The following ERVH48-1 variants were observed in gnomAD, a reference collection of about 807,000 sequenced individuals.
ERVH48-1 encodes endogenous retrovirus group 48 member 1, envelope, also known as suppressyn.
Under a neutral mutation model 2.4 loss-of-function variants are expected in ERVH48-1, and 4 were observed. That is an observed-to-expected ratio of 1.68 (90% CI 0.83 to 3.84). The LOEUF is 3.84. ERVH48-1 is among the 30% of genes most tolerant of loss of function. The probability of loss-of-function intolerance (pLI) is 0.01; values close to 1 mark genes in which losing one functional copy is unlikely to be tolerated. For synonymous variants in ERVH48-1, 32 were observed against 15.5 expected, an observed-to-expected ratio of 2.06 and a Z score of -2.49; for missense variants, 97 against 43.4, an observed-to-expected ratio of 2.23 and a Z score of -3.47.
chr21:42,918,986 G>A lies in ERVH48-1; in HGVS notation c.21C>T (p.Thr7=), dbSNP rs1217706292. The A allele has an allele frequency of 9.6e-7, 1 of 1,038,836 alleles. No individual in the cohort carries two copies. Among genetic ancestry groups the A allele is most frequent in the Non-Finnish European group, 1.3e-6 (1 of 760,878 alleles). The allele number at this position is 1,038,836 out of a possible 1,614,324, so 64.4% of individuals were successfully genotyped here. The change falls in exon 2 of 2, where the codon ACC becomes ACT. Residue 7 remains threonine (T), a synonymous_variant. Coordinates refer to ENST00000447535, the MANE Select transcript of ERVH48-1 (RefSeq NM_001308491.2). ...TGGTTGGAAGAGAGGTATAGAAAGTGGTTGGGTAGATACAGGCCATTCCTG... is the reference window on the plus strand; with the variant it reads ...TGGTTGGAAGAGAGGTATAGAAAGTAGTTGGGTAGATACAGGCCATTCCTG... MACIYP[T]TFYTSLPTKS...
In ERVH48-1 at chr21:42,919,213, A is replaced by G; in HGVS notation, c.-207T>C. On this transcript the variant is annotated 5_prime_UTR_variant, in exon 2 of 2. Transcript: ENST00000447535. ...GACTCTCACTGCAGTTGGTGTGCTGAGTATCACAGTGTAGGGGCCTGTCCA... is the reference window on the plus strand; with the variant it reads ...GACTCTCACTGCAGTTGGTGTGCTGGGTATCACAGTGTAGGGGCCTGTCCA... 1 of 445,306 alleles carries G rather than the reference A, an allele frequency of 2.2e-6. No homozygotes were observed. Among genetic ancestry groups the G allele is most frequent in the Non-Finnish European group, 3.7e-6 (1 of 266,790 alleles). The allele number at this position is 445,306 out of a possible 1,614,324, so 27.6% of individuals were successfully genotyped here. A position where few individuals can be genotyped will look rare whatever the true frequency, so the allele number is the denominator to read the frequency against.
chr21:42,923,073 G>A (rs975267843), intron 1 of ERVH48-1, among the ~76,000 whole-genome samples: 4 of 152,236 alleles, frequency 2.6e-5, no homozygotes, highest in African/African-American at 7.2e-5. Flanking sequence ...GGCTCAGGAA[G>A]GGATGGAGGC....
rs576029260 is a variant in ERVH48-1, at chr21:42,925,486, G to T, written c.-426C>A. The T allele has an allele frequency of 1.1e-4, 41 of 361,148 alleles. No homozygotes were observed. Among genetic ancestry groups the T allele is most frequent in the Non-Finnish European group, 1.6e-4 (31 of 194,730 alleles). 22.4% of individuals were successfully genotyped at this position (361,148 alleles called of 1,614,324 possible). Reference sequence around the variant, plus strand: ...CTGGGGACGTGGACGGAAGCCCCTCGCAGGTTTCAGGGCCAGCCCCAAGGC... The same window carrying T: ...CTGGGGACGTGGACGGAAGCCCCTCTCAGGTTTCAGGGCCAGCCCCAAGGC... On this transcript the variant is annotated 5_prime_UTR_variant, in exon 1 of 2. Transcript: ENST00000447535.
In ERVH48-1 at chr21:42,918,720, C is replaced by G. The variant is rs745548332; in HGVS notation, c.287G>C (p.Gly96Ala). 3 of 456,728 alleles carry G rather than the reference C, an allele frequency of 6.6e-6. No homozygotes were observed. The highest frequency in any genetic ancestry group is 4.6e-5 in the South Asian group (3 of 64,566). 28.3% of individuals were successfully genotyped at this position (456,728 alleles called of 1,614,324 possible). A position where few individuals can be genotyped will look rare whatever the true frequency, so the allele number is the denominator to read the frequency against. Residue 96 changes from glycine (G) to alanine (A), a missense_variant, in exon 2 of 2, where the codon GGC becomes GCC. Gly to Ala is a moderately conservative substitution (Grantham distance 60). Coordinates refer to ENST00000447535, the MANE Select transcript of ERVH48-1 (RefSeq NM_001308491.2). The part of the protein sequence containing the change: ...YYKVKNLGVC[G>A]SRNGAICPRG... ...GGGGCAAATAGCCCCATTACGACTG[C>G]CACATACTCCTAGATTCTTTACTTT...
At chr21:42,924,845 G>A (rs1055620192) in intron 1 of ERVH48-1, among the ~76,000 whole-genome samples, 1 of 152,142 alleles carries the variant, frequency 6.6e-6, no homozygotes, top group Non-Finnish European at 1.5e-5. Context: ...ACGATAAAAG[G>A]AGCGTTTGTC....
rs905532422 is a variant in ERVH48-1 at position 42,918,715 on chromosome 21, G to A, written c.292C>T (p.Arg98Cys). 2.0e-5 allele frequency: 9 copies of A among 456,528 alleles called. No individual in the cohort carries two copies. The highest frequency in any genetic ancestry group is 8.0e-5 in the African/African-American group (4 of 50,050). 28.3% of individuals were successfully genotyped at this position (456,528 alleles called of 1,614,324 possible). The change falls in exon 2 of 2, where the codon CGT (arginine) becomes TGT (cysteine). Residue 98 changes from arginine to cysteine, a missense_variant. Coordinates refer to ENST00000447535, the MANE Select transcript of ERVH48-1 (RefSeq NM_001308491.2). ...KVKNLGVCGS[R>C]NGAICPRGKQ... is the part of the protein sequence containing the mutation. The stretch of plus-strand genomic sequence containing the variant: ...CCTCTGGGGCAAATAGCCCCATTAC[G>A]ACTGCCACATACTCCTAGATTCTTT...
intron 1 of ERVH48-1, among the ~76,000 whole-genome samples, chr21:42,920,651 G>A (rs1160843819): frequency 6.6e-6 from 1 of 152,142 alleles, no homozygotes; most frequent in African/African-American, 2.4e-5. Flanking sequence ...CTTCAATAGT[G>A]TGGGTGGGTG....
intron 1 of ERVH48-1, among the ~76,000 whole-genome samples, chr21:42,919,679 G>A (rs79764911): frequency 6.2e-4 from 95 of 152,224 alleles, no homozygotes; most frequent in African/African-American, 2.2e-3. Context: ...ATGTAGAGGC[G>A]CCTTGGGTGA....
intron 1 of ERVH48-1, among the ~76,000 whole-genome samples, chr21:42,922,425 G>A (rs2058808481): frequency 6.6e-6 from 1 of 151,934 alleles, no homozygotes. Context: ...AGTGGAGTTG[G>A]GCATGAGGGC....
chr21:42,921,160 A>G (rs1358791678), intron 1 of ERVH48-1, among the ~76,000 whole-genome samples: 3 of 152,040 alleles, frequency 2.0e-5, no homozygotes, highest in Admixed American at 2.0e-4. Context: ...TAGAACACGT[A>G]GTGCGACTCC....
chr21:42,922,706 C>G (rs2146179681), intron 1 of ERVH48-1, among the ~76,000 whole-genome samples: 1 of 140,914 alleles, frequency 7.1e-6, no homozygotes, highest in East Asian at 2.1e-4. Flanking sequence ...CGCCACTGCA[C>G]TCCAGCCTGG....
At chr21:42,924,217 G>A (rs765345141) in intron 1 of ERVH48-1, among the ~76,000 whole-genome samples, 46 of 152,266 alleles carry the variant, frequency 3.0e-4, no homozygotes, top group East Asian at 1.2e-3. Context: ...AGCGGTGGGG[G>A]AGGAGAATGG....
rs1322626359 is a variant in ERVH48-1 at position 42,917,134 on chromosome 21, G to A, written c.*1390C>T. 1.3e-5 allele frequency: 2 copies of A among 152,176 alleles called. No homozygotes were observed. Among genetic ancestry groups the A allele is most frequent in the African/African-American group, 4.8e-5 (2 of 41,428 alleles). 9.4% of individuals were successfully genotyped at this position (152,176 alleles called of 1,614,324 possible). On this transcript the variant is annotated 3_prime_UTR_variant, in exon 2 of 2. Coordinates refer to ENST00000447535, the MANE Select transcript of ERVH48-1 (RefSeq NM_001308491.2). ...TTCCATTCCTGTCTATTTGGTTATA[G>A]AAAAGGGGAAAGGGACGACTTTCTC...
In ERVH48-1 at chr21:42,925,379, CAG is replaced by C. The variant is rs1225189383; in HGVS notation, c.-321_-320del. 8.5e-6 allele frequency: 4 copies of C among 472,316 alleles called. No homozygotes were observed. The highest frequency in any genetic ancestry group is 1.5e-5 in the Non-Finnish European group (4 of 258,404). 29.3% of individuals were successfully genotyped at this position (472,316 alleles called of 1,614,324 possible). Reference sequence around the variant, plus strand: ...GAGATCAGTGACCGATGTGCATGCACAGAGAGGCGACTAGAGGCTGAGGAGCT... The same window carrying C: ...GAGATCAGTGACCGATGTGCATGCACAGAGGCGACTAGAGGCTGAGGAGCT... On this transcript the variant is annotated 5_prime_UTR_variant, in exon 1 of 2. Transcript: ENST00000447535.
chr21:42,920,281 C>T (rs982351132), intron 1 of ERVH48-1, among the ~76,000 whole-genome samples: 4 of 152,080 alleles, frequency 2.6e-5, no homozygotes, highest in South Asian at 2.1e-4. Context: ...GAGGAGAGAA[C>T]GAGGACAGGG....
At position 42,925,365 on chromosome 21, in the gene ERVH48-1, C is replaced by G; in HGVS notation, c.-305G>C. On this transcript the variant is annotated 5_prime_UTR_variant, in exon 1 of 2. Transcript: ENST00000447535. ...ACTTACCAGTAGGCGAGATCAGTGA[C>G]CGATGTGCATGCACAGAGAGGCGAC... 2.2e-6 allele frequency: 1 copy of G among 459,740 alleles called. No individual in the cohort carries two copies. The highest frequency in any genetic ancestry group is 3.9e-6 in the Non-Finnish European group (1 of 253,426). The allele number at this position is 459,740 out of a possible 1,614,324, so 28.5% of individuals were successfully genotyped here.
At chr21:42,919,313 G>A (rs1259463758) in intron 1 of ERVH48-1, 22 bp from the exon 2 acceptor site, 5 of 226,100 alleles carry the variant, frequency 2.2e-5, no homozygotes, top group African/African-American at 1.1e-4. Context: ...TTATGATGTT[G>A]AGAGGATAAG....
At position 42,919,155 on chromosome 21, in the gene ERVH48-1, C is replaced by T. The variant is rs1310900403; in HGVS notation, c.-149G>A. On this transcript the variant is annotated 5_prime_UTR_variant, in exon 2 of 2. Transcript: ENST00000447535. ...AAGCTGCCTTGGGGGTGAGCTTGAC[C>T]CTGGTGCGATGGATCCAGTTGGGGA... 2.0e-6 allele frequency: 2 copies of T among 1,020,000 alleles called. No homozygotes were observed. The highest frequency in any genetic ancestry group is 1.7e-5 in the African/African-American group (1 of 58,972). 63.2% of individuals were successfully genotyped at this position (1,020,000 alleles called of 1,614,324 possible).
chr21:42,917,081 C>T lies in ERVH48-1; in HGVS notation c.*1443G>A, dbSNP rs1185615557. On this transcript the variant is annotated 3_prime_UTR_variant, in exon 2 of 2. Transcript: ENST00000447535. Reference sequence around the variant, plus strand: ...CCTGAGGAGGAGGAGTTATTCATCCCGCAAGCTTTCAGGCCCCGAGGAGAA... The same window carrying T: ...CCTGAGGAGGAGGAGTTATTCATCCTGCAAGCTTTCAGGCCCCGAGGAGAA... 2 of 152,080 alleles carry T rather than the reference C, an allele frequency of 1.3e-5. No individual in the cohort carries two copies. The highest frequency in any genetic ancestry group is 2.4e-5 in the African/African-American group (1 of 41,398). 9.4% of individuals were successfully genotyped at this position (152,080 alleles called of 1,614,324 possible).
Sources: gnomAD v4.1 joint callset for allele counts (sites outside exome capture counted in the v4.1 genomes callset) on GRCh38, gnomAD v4.1.1 for gene constraint, MANE v1.5 for transcripts, NCBI Gene and HGNC (gene_info 2026-07-23, HGNC 2026-07-21) for gene names.